CDH13: variants seen among roughly 807,000 people sequenced by gnomAD.
CDH13 encodes cadherin-13.
A neutral mutation model predicts 63.8 loss-of-function variants in CDH13; 24 were observed. That is an observed-to-expected ratio of 0.38 (90% confidence interval 0.27 to 0.53). The LOEUF is 0.53. CDH13 is among the 20% of genes least tolerant of loss of function. CDH13 has a pLI of 0.85. For synonymous variants in CDH13, 503 were observed against 355.3 expected (o/e 1.42, Z -4.67); for missense variants, 1,049 against 903.1 (o/e 1.16, Z -2.07).
intron 6 of CDH13, among the ~76,000 whole-genome samples, chr16:83,433,076 G>C (rs973932137): frequency 2.0e-5 from 3 of 152,150 alleles, no homozygotes; most frequent in African/African-American, 7.2e-5. Context: ...TGCTTCTGGG[G>C]AATGAGAGGC....
intron 6 of CDH13, among the ~76,000 whole-genome samples, chr16:83,350,382 A>G (rs1181961828): frequency 6.6e-6 from 1 of 152,352 alleles, no homozygotes; most frequent in East Asian, 1.9e-4. Context: ...TGAATGTGGC[A>G]TTTACCTAAA....
chr16:83,687,108 G>T (rs1356616777), intron 10 of CDH13, among the ~76,000 whole-genome samples: 1 of 152,134 alleles, frequency 6.6e-6, no homozygotes. Context: ...AGCTACTAGG[G>T]AGGCTGAGGC....
At chr16:82,863,426 C>G (rs1386832322) in intron 2 of CDH13, among the ~76,000 whole-genome samples, 1 of 152,164 alleles carries the variant, frequency 6.6e-6, no homozygotes, top group African/African-American at 2.4e-5. Context: ...GGTTACAATA[C>G]TGTGGTTAAG....
chr16:82,748,807 C>G (rs1039267846), intron 1 of CDH13, among the ~76,000 whole-genome samples: 4 of 152,158 alleles, frequency 2.6e-5, no homozygotes, highest in Admixed American at 2.0e-4. Context: ...TGCTATGTTT[C>G]TGTTTCCCAG....
At chr16:82,780,992 C>G (rs1024787859) in intron 1 of CDH13, among the ~76,000 whole-genome samples, 1 of 152,248 alleles carries the variant, frequency 6.6e-6, no homozygotes, top group Non-Finnish European at 1.5e-5. Flanking sequence ...TAGCTGTCCT[C>G]TTCTCCTGCT....
At chr16:83,723,144 G>C (rs1381431762) in intron 10 of CDH13, among the ~76,000 whole-genome samples, 2 of 152,240 alleles carry the variant, frequency 1.3e-5, no homozygotes, top group African/African-American at 4.8e-5. Flanking sequence ...GCCTGTCTTA[G>C]GATGCTGATG....
intron 5 of CDH13, among the ~76,000 whole-genome samples, chr16:83,282,886 A>G (rs966050439): frequency 1.1e-4 from 17 of 152,190 alleles, no homozygotes; most frequent in African/African-American, 3.6e-4. Context: ...CATGGTTGAT[A>G]GGCTAACATG....
chr16:83,558,048 G>A (rs1054248860), intron 7 of CDH13, among the ~76,000 whole-genome samples: 14 of 152,236 alleles, frequency 9.2e-5, no homozygotes, highest in African/African-American at 3.4e-4. Context: ...ATATAAAAAG[G>A]GCACCCAGCA....
intron 6 of CDH13, among the ~76,000 whole-genome samples, chr16:83,384,499 G>A (rs1307990330): frequency 6.6e-6 from 1 of 152,194 alleles, no homozygotes; most frequent in Non-Finnish European, 1.5e-5. Context: ...GCTTTCTGCA[G>A]GAATCAACAC....
At chr16:83,066,321 C>A (rs34560150) in intron 3 of CDH13, among the ~76,000 whole-genome samples, 1,615 of 152,176 alleles carry the variant, frequency 0.011, 12 homozygotes, top group Non-Finnish European at 0.015. Flanking sequence ...CCAGGATAGT[C>A]TTGAGAGAGC....
chr16:83,281,259 T>G (rs1040462729), intron 5 of CDH13, among the ~76,000 whole-genome samples: 1 of 152,246 alleles, frequency 6.6e-6, no homozygotes, highest in Non-Finnish European at 1.5e-5. Context: ...AGCACTATGT[T>G]ATAGGGATGG....
chr16:82,683,171 G>A (rs1326503091), intron 1 of CDH13, among the ~76,000 whole-genome samples: 1 of 152,108 alleles, frequency 6.6e-6, no homozygotes. Context: ...ATGTCGCCCT[G>A]GTGTGGTCTT....
chr16:82,811,529 T>G (rs2037444309), intron 1 of CDH13, among the ~76,000 whole-genome samples: 1 of 152,178 alleles, frequency 6.6e-6, no homozygotes, highest in African/African-American at 2.4e-5. Context: ...GTTATCTACA[T>G]TCATAGTTGA....
chr16:82,961,126 C>CA (rs1439242970), intron 2 of CDH13, among the ~76,000 whole-genome samples: 3 of 152,154 alleles, frequency 2.0e-5, no homozygotes, highest in African/African-American at 7.2e-5. Flanking sequence ...GGCGCCAGCA[C>CA]GGAGCAGCTG....
At chr16:83,528,178 A>G (rs987386131) in intron 7 of CDH13, among the ~76,000 whole-genome samples, 1 of 152,194 alleles carries the variant, frequency 6.6e-6, no homozygotes, top group Non-Finnish European at 1.5e-5. Context: ...AGCTTTAATC[A>G]CACTTGCACG....
At chr16:83,451,632 C>T (rs2072889792) in intron 6 of CDH13, among the ~76,000 whole-genome samples, 1 of 152,202 alleles carries the variant, frequency 6.6e-6, no homozygotes, top group African/African-American at 2.4e-5. Context: ...ATTCTCCCAC[C>T]TCAGCCTCCT....
At chr16:83,057,619 TGTAAGGCTAAATCCTTA>T in intron 3 of CDH13, among the ~76,000 whole-genome samples, 1 of 151,142 alleles carries the variant, frequency 6.6e-6, no homozygotes, top group South Asian at 2.1e-4. Flanking sequence ...CCACTGAGGC[TGTAAGGCTAAATCCTTA>T]GCATGACACA....
At chr16:82,723,082 C>T (rs1227948962) in intron 1 of CDH13, 1 of 152,204 alleles carries the variant, frequency 6.6e-6, no homozygotes, top group Non-Finnish European at 1.5e-5. Context: ...GTACTAAAGC[C>T]ACCAGCACAG....
At chr16:82,980,748 C>G (rs1301941675) in intron 2 of CDH13, among the ~76,000 whole-genome samples, 1 of 152,146 alleles carries the variant, frequency 6.6e-6, no homozygotes, top group East Asian at 1.9e-4. Flanking sequence ...TTTGGGGTTG[C>G]CTTTGTCCCC....
Sources: allele counts gnomAD v4.1 joint callset (sites outside exome capture counted in the v4.1 genomes callset), GRCh38; gene constraint gnomAD v4.1.1; transcripts MANE v1.5; gene names NCBI Gene and HGNC (gene_info 2026-07-23, HGNC 2026-07-21).